ST6GALNAC3: variants seen among roughly 807,000 people sequenced by gnomAD.
ST6GALNAC3 encodes the protein alpha-N-acetylgalactosaminide alpha-2,6-sialyltransferase 3.
A neutral mutation model predicts 32.7 loss-of-function variants in ST6GALNAC3; 25 were observed. The observed-to-expected ratio is 0.76, with a 90% CI of 0.56 to 1.07. The LOEUF is 1.07. Ranked by LOEUF, ST6GALNAC3 falls within the 50% of genes least tolerant of loss-of-function variation. The pLI is 0.00. For missense variants in ST6GALNAC3, 355 were observed against 382.4 expected, an observed-to-expected ratio of 0.93 and a Z score of 0.60; for synonymous variants, 129 against 133.1, an observed-to-expected ratio of 0.97 and a Z score of 0.21.
chr1:76,534,110 T>G (rs1392355471), intron 3 of ST6GALNAC3, among the ~76,000 whole-genome samples: 1 of 152,276 alleles, frequency 6.6e-6, no homozygotes, highest in Non-Finnish European at 1.5e-5. Context: ...TGCCGTGATC[T>G]TGACTCACTG....
rs201127729 is a variant in ST6GALNAC3 at position 76,494,558 on chromosome 1, C to CAT, written c.623+82142_623+82143insTA. Among the ~76,000 whole-genome samples, 865 of 128,180 alleles carry CAT rather than the reference C, an allele frequency of 6.7e-3. 24 individuals are homozygous for CAT. The highest frequency in any genetic ancestry group is 0.023 in the African/African-American group (793 of 34,578). The allele number at this position is 128,180 out of a possible 152,430, so 84.1% of individuals were successfully genotyped here. A position where few individuals can be genotyped will look rare whatever the true frequency, so the allele number is the denominator to read the frequency against. ...TATATTTCATGTGTATAAACACACA[C>CAT]ACACACACACACACACACACACACA... On this transcript the variant is annotated intron_variant, in intron 3 of 4. Coordinates refer to ENST00000328299, the MANE Select transcript of ST6GALNAC3 (RefSeq NM_152996.4).
intron 1 of ST6GALNAC3, among the ~76,000 whole-genome samples, chr1:76,297,355 T>C (rs1660464153): frequency 6.6e-6 from 1 of 152,062 alleles, no homozygotes; most frequent in African/African-American, 2.4e-5. Flanking sequence ...CAACATCTCT[T>C]GCACATCTAA....
Position 76,559,377 on chromosome 1 carries a change from A to C in ST6GALNAC3, c.624-68075A>C, listed in dbSNP as rs181198625. Among the ~76,000 whole-genome samples the C allele has an allele frequency of 5.3e-5, 8 of 152,354 alleles. No homozygotes were observed. In the East Asian group the frequency reaches 1.5e-3, roughly 29 times the overall value. The stretch of plus-strand genomic sequence containing the variant: ...CTCACACAACCCTCCAAAATTAACA[A>C]AGTAAATTATAGACTTAAATGGAGG... On this transcript the variant is annotated intron_variant, in intron 3 of 4. Coordinates refer to ENST00000328299, the MANE Select transcript of ST6GALNAC3 (RefSeq NM_152996.4).
chr1:76,317,755 A>G (rs1158729035), intron 2 of ST6GALNAC3, among the ~76,000 whole-genome samples: 1 of 152,160 alleles, frequency 6.6e-6, no homozygotes, highest in Non-Finnish European at 1.5e-5. Context: ...AGTTGCTGTA[A>G]CTAGTCATAG....
intron 1 of ST6GALNAC3, among the ~76,000 whole-genome samples, chr1:76,081,657 A>G (rs1431552632): frequency 6.6e-6 from 1 of 152,194 alleles, no homozygotes; most frequent in Non-Finnish European, 1.5e-5. Context: ...TTAATTCTGA[A>G]TAGATCTTTG....
chr1:76,371,384 A>G (rs1198535478), intron 2 of ST6GALNAC3, among the ~76,000 whole-genome samples: 1 of 152,238 alleles, frequency 6.6e-6, no homozygotes. Context: ...GAAGTGACAC[A>G]TGACATTGAA....
intron 1 of ST6GALNAC3, among the ~76,000 whole-genome samples, chr1:76,301,111 T>A (rs1378111257): frequency 6.6e-6 from 1 of 152,064 alleles, no homozygotes; most frequent in South Asian, 2.1e-4. Context: ...GTTTTACAGA[T>A]GAGGAATCAG....
Position 76,634,306 on chromosome 1 carries a change from G to C in ST6GALNAC3, c.*5500G>C, listed in dbSNP as rs922724614. On this transcript the variant is annotated 3_prime_UTR_variant, in exon 5 of 5. Coordinates refer to ENST00000328299, the MANE Select transcript of ST6GALNAC3 (RefSeq NM_152996.4). The stretch of plus-strand genomic sequence containing the variant: ...AAGATCAAAACGAGGCAATTTTATA[G>C]CTTTTTGTTACCTAATCTACAAAGT... 2 of 336,018 alleles carry C rather than the reference G, an allele frequency of 6.0e-6. No homozygotes were observed. The highest frequency in any genetic ancestry group is 8.5e-6 in the Non-Finnish European group (2 of 236,478). The allele number at this position is 336,018 out of a possible 1,614,324, so 20.8% of individuals were successfully genotyped here. A position where few individuals can be genotyped will look rare whatever the true frequency, so the allele number is the denominator to read the frequency against.
intron 2 of ST6GALNAC3, among the ~76,000 whole-genome samples, chr1:76,382,760 G>A (rs1016715): frequency 0.29 from 43,928 of 152,002 alleles, 7,680 homozygotes; most frequent in East Asian, 0.6. Flanking sequence ...TATTAATCAC[G>A]ACTAGTTTCA....
intron 3 of ST6GALNAC3, among the ~76,000 whole-genome samples, chr1:76,512,124 T>C (rs1661900095): frequency 6.6e-6 from 1 of 152,216 alleles, no homozygotes. Context: ...CATAACATAA[T>C]TTCTTCTTTT....
intron 3 of ST6GALNAC3, among the ~76,000 whole-genome samples, chr1:76,526,044 T>C (rs7521427): frequency 0.63 from 94,814 of 150,958 alleles, 29,857 homozygotes; most frequent in East Asian, 0.68. Context: ...AGAGGCTTGA[T>C]CTTTCTTCAT....
intron 1 of ST6GALNAC3, among the ~76,000 whole-genome samples, chr1:76,215,776 G>C (rs1570465049): frequency 6.6e-6 from 1 of 152,056 alleles, no homozygotes; most frequent in African/African-American, 2.4e-5. Flanking sequence ...TTGCCTGCTT[G>C]GTCTATTTTA....
intron 3 of ST6GALNAC3, among the ~76,000 whole-genome samples, chr1:76,622,018 C>G (rs1454813938): frequency 6.6e-6 from 1 of 151,986 alleles, no homozygotes; most frequent in Non-Finnish European, 1.5e-5. Flanking sequence ...CTCCAATAAA[C>G]CTCCATTATT....
intron 1 of ST6GALNAC3, among the ~76,000 whole-genome samples, chr1:76,177,549 GAGA>G (rs1652926782): frequency 1.3e-5 from 2 of 152,060 alleles, no homozygotes; most frequent in Non-Finnish European, 2.9e-5. Flanking sequence ...AACTGCGCAG[GAGA>G]AGAAGTGTTC....
intron 3 of ST6GALNAC3, among the ~76,000 whole-genome samples, chr1:76,586,163 T>C (rs1365062360): frequency 6.6e-6 from 1 of 152,222 alleles, no homozygotes; most frequent in Non-Finnish European, 1.5e-5. Flanking sequence ...TAAATATTCA[T>C]GTGCATTGCA....
chr1:76,432,443 CTTTTTTTTTTTTTTTT>C (rs35527607), intron 3 of ST6GALNAC3, among the ~76,000 whole-genome samples: 2 of 57,150 alleles, frequency 3.5e-5, no homozygotes, highest in Non-Finnish European at 3.2e-5. Context: ...CCTTTATTGC[CTTTTTTTTTTTTTTTT>C]TTTTTTTTTT....
intron 3 of ST6GALNAC3, among the ~76,000 whole-genome samples, chr1:76,619,125 A>C (rs1352403479): frequency 2.6e-5 from 4 of 152,144 alleles, no homozygotes; most frequent in African/African-American, 9.7e-5. Context: ...AAGAGGGTAT[A>C]TAATACCATT....
At chr1:76,482,139 TACACAC>T (rs368648490) in intron 3 of ST6GALNAC3, among the ~76,000 whole-genome samples, 3 of 147,128 alleles carry the variant, frequency 2.0e-5, no homozygotes, top group South Asian at 2.2e-4. Flanking sequence ...AAATTTTCTT[TACACAC>T]ACACACACAC....
At chr1:76,346,057 C>G (rs567383981) in intron 2 of ST6GALNAC3, among the ~76,000 whole-genome samples, 5 of 152,182 alleles carry the variant, frequency 3.3e-5, no homozygotes, top group East Asian at 1.9e-4. Flanking sequence ...GCTACTCCCC[C>G]ACTTTGCTTT....
Sources: gnomAD v4.1 joint callset for allele counts (sites outside exome capture counted in the v4.1 genomes callset) on GRCh38, gnomAD v4.1.1 for gene constraint, MANE v1.5 for transcripts, NCBI Gene and HGNC (gene_info 2026-07-23, HGNC 2026-07-21) for gene names.